SH3GL2: variants seen among roughly 807,000 people sequenced by gnomAD.
SH3GL2 encodes SH3 domain containing GRB2 like 2, endophilin A1.
SH3GL2 carries 24 observed loss-of-function variants against 46.0 expected under a neutral mutation model. The observed-to-expected ratio is 0.52, with a 90% CI of 0.38 to 0.73. The LOEUF is 0.73. Among genes scored for constraint, SH3GL2 ranks in the 30% least tolerant of loss-of-function variants. The pLI is 0.00. For missense variants in SH3GL2, 413 were observed against 424.2 expected, an observed-to-expected ratio of 0.97 and a Z score of 0.23; for synonymous variants, 196 against 147.1, an observed-to-expected ratio of 1.33 and a Z score of -2.40.
intron 1 of SH3GL2, chr9:17,591,059 A>T (rs1376600806): frequency 2.0e-5 from 3 of 152,192 alleles, no homozygotes; most frequent in Admixed American, 2.0e-4. Context: ...CGCCTGGCTA[A>T]CATTTAATTC....
At chr9:17,612,013 T>C (rs1818877708) in intron 1 of SH3GL2, among the ~76,000 whole-genome samples, 1 of 152,196 alleles carries the variant, frequency 6.6e-6, no homozygotes, top group African/African-American at 2.4e-5. Flanking sequence ...GCTAATAATA[T>C]TGGGACTAGT....
intron 1 of SH3GL2, among the ~76,000 whole-genome samples, chr9:17,736,017 G>T (rs1024993523): frequency 6.6e-6 from 1 of 152,080 alleles, no homozygotes. Context: ...AGCCTGCATT[G>T]TTGGGGTATC....
At chr9:17,701,549 T>C (rs1821342900) in intron 1 of SH3GL2, among the ~76,000 whole-genome samples, 2 of 152,278 alleles carry the variant, frequency 1.3e-5, no homozygotes, top group East Asian at 3.9e-4. Flanking sequence ...ATGATATGAT[T>C]GTATACCTAG....
At chr9:17,633,025 G>A (rs2224448) in intron 1 of SH3GL2, among the ~76,000 whole-genome samples, 76,562 of 152,114 alleles carry the variant, frequency 0.5, 20,592 homozygotes, top group Non-Finnish European at 0.62. Context: ...ATCACTTGGA[G>A]CCTGCAACCT....
intron 1 of SH3GL2, among the ~76,000 whole-genome samples, chr9:17,697,636 C>G (rs920993161): frequency 6.6e-6 from 1 of 152,152 alleles, no homozygotes; most frequent in Non-Finnish European, 1.5e-5. Flanking sequence ...TTAATAATTC[C>G]TCTATTAGCA....
At chr9:17,698,981 C>T (rs761406036) in intron 1 of SH3GL2, among the ~76,000 whole-genome samples, 4 of 151,720 alleles carry the variant, frequency 2.6e-5, no homozygotes, top group Non-Finnish European at 5.9e-5. Context: ...ATGGTGAAAC[C>T]CCGTCTCTAC....
chr9:17,656,565 G>C (rs959095493), intron 1 of SH3GL2, among the ~76,000 whole-genome samples: 6 of 151,950 alleles, frequency 3.9e-5, no homozygotes, highest in African/African-American at 1.4e-4. Flanking sequence ...CCTGTGATTG[G>C]TATGTTTTAT....
chr9:17,628,412 GT>G (rs1158529191), intron 1 of SH3GL2, among the ~76,000 whole-genome samples: 6,133 of 22,106 alleles, frequency 0.28, 383 homozygotes, highest in African/African-American at 0.42. Context: ...TATATCTTGG[GT>G]GTGTGTGTGT....
chr9:17,692,891 G>C (rs1191872596), intron 1 of SH3GL2, among the ~76,000 whole-genome samples: 1 of 152,024 alleles, frequency 6.6e-6, no homozygotes, highest in Non-Finnish European at 1.5e-5. Context: ...GAAAAATGAG[G>C]AAGAAGCAAA....
chr9:17,677,132 C>T (rs1009264755), intron 1 of SH3GL2, among the ~76,000 whole-genome samples: 12 of 152,164 alleles, frequency 7.9e-5, no homozygotes, highest in South Asian at 6.2e-4. Context: ...AGAGAACCCA[C>T]GTTCATATTC....
At chr9:17,723,603 G>A (rs1331878455) in intron 1 of SH3GL2, among the ~76,000 whole-genome samples, 1 of 152,088 alleles carries the variant, frequency 6.6e-6, no homozygotes, top group Non-Finnish European at 1.5e-5. Context: ...TTAATGGAAA[G>A]GTCGGTTTCA....
At chr9:17,739,225 A>G (rs1047429424) in intron 1 of SH3GL2, among the ~76,000 whole-genome samples, 1 of 152,144 alleles carries the variant, frequency 6.6e-6, no homozygotes, top group Non-Finnish European at 1.5e-5. Flanking sequence ...GGCCTTGTCA[A>G]CAGAGTCATC....
intron 1 of SH3GL2, among the ~76,000 whole-genome samples, chr9:17,611,828 C>T (rs538657722): frequency 4.6e-5 from 7 of 152,192 alleles, no homozygotes; most frequent in East Asian, 3.9e-4. Context: ...ACTTGCTGGC[C>T]CCAGGTCTGC....
At chr9:17,678,121 A>T (rs1820662574) in intron 1 of SH3GL2, among the ~76,000 whole-genome samples, 1 of 152,160 alleles carries the variant, frequency 6.6e-6, no homozygotes, top group Non-Finnish European at 1.5e-5. Context: ...TTATAGCAGC[A>T]TGATTTATAG....
chr9:17,701,245 C>A lies in SH3GL2; in HGVS notation c.46-45821C>A, dbSNP rs148450280. On this transcript the variant is annotated intron_variant, in intron 1 of 8. Transcript: ENST00000380607. ...CAGACTGACTACAAAAGTTGAAAAT[C>A]TCTTGCTACAAAATACTTAGAAATG... 7.2e-5 allele frequency among the ~76,000 whole-genome samples: 11 copies of A among 152,270 alleles called. No homozygotes were observed. In the East Asian group the frequency reaches 2.1e-3, roughly 29 times the overall value.
intron 1 of SH3GL2, among the ~76,000 whole-genome samples, chr9:17,628,163 A>G (rs1819328025): frequency 1.3e-5 from 2 of 152,272 alleles, no homozygotes; most frequent in South Asian, 2.1e-4. Context: ...ATATCATTCA[A>G]AATAATAGAC....
At chr9:17,661,151 G>C (rs1414377428) in intron 1 of SH3GL2, among the ~76,000 whole-genome samples, 1 of 152,184 alleles carries the variant, frequency 6.6e-6, no homozygotes, top group East Asian at 1.9e-4. Flanking sequence ...AACAGAGTAA[G>C]ACTCCGTCTC....
chr9:17,696,315 A>T (rs879601691), intron 1 of SH3GL2, among the ~76,000 whole-genome samples: 2 of 152,200 alleles, frequency 1.3e-5, no homozygotes, highest in Non-Finnish European at 2.9e-5. Context: ...CCTTGAAGCT[A>T]ATTGACTGTG....
chr9:17,706,368 A>C (rs1436810062), intron 1 of SH3GL2, among the ~76,000 whole-genome samples: 1 of 152,054 alleles, frequency 6.6e-6, no homozygotes, highest in African/African-American at 2.4e-5. Context: ...TTCCTAATTT[A>C]AGCTGTTTTT....
Sources: allele counts gnomAD v4.1 joint callset (sites outside exome capture counted in the v4.1 genomes callset), GRCh38; gene constraint gnomAD v4.1.1; transcripts MANE v1.5; gene names NCBI Gene and HGNC (gene_info 2026-07-23, HGNC 2026-07-21).